Variants in SIL1 observed in about 807,000 individuals in gnomAD.
The protein encoded by SIL1 is SIL1 nucleotide exchange factor.
A neutral mutation model predicts 49.1 loss-of-function variants in SIL1; 40 were observed. The observed-to-expected ratio is 0.81, with a 90% CI of 0.63 to 1.06. The LOEUF is 1.06. SIL1 is among the 50% of genes least tolerant of loss of function. The pLI, the probability that SIL1 is intolerant of heterozygous loss-of-function variation, is 0.00. For missense variants in SIL1, 500 were observed against 572.6 expected, an observed-to-expected ratio of 0.87 and a Z score of 1.29; for synonymous variants, 253 against 250.8, an observed-to-expected ratio of 1.01 and a Z score of -0.08.
intron 2 of SIL1, 132 bp from the exon 3 acceptor site, chr5:139,121,305 G>T: frequency 8.1e-7 from 1 of 1,238,478 alleles, no homozygotes; most frequent in Non-Finnish European, 1.2e-6. Flanking sequence ...CTGGACACTC[G>T]CAATTCCTTT....
chr5:139,118,065 A>T (rs1180096387), intron 3 of SIL1, among the ~76,000 whole-genome samples: 2 of 152,178 alleles, frequency 1.3e-5, no homozygotes, highest in Admixed American at 6.5e-5. Context: ...AACTGTCCAT[A>T]TAAACTTGCA....
intron 7 of SIL1, among the ~76,000 whole-genome samples, chr5:139,011,834 G>C (rs1430370546): frequency 6.6e-6 from 1 of 152,026 alleles, no homozygotes; most frequent in African/African-American, 2.4e-5. Context: ...CAGAAATTCT[G>C]CCAATTTCAA....
chr5:139,105,584 T>C (rs933524566), intron 3 of SIL1, among the ~76,000 whole-genome samples: 6 of 152,216 alleles, frequency 3.9e-5, no homozygotes, highest in African/African-American at 1.4e-4. Context: ...AAAGGAGTTA[T>C]ATACCCTTAG....
At chr5:139,133,014 C>T (rs1191292058) in intron 1 of SIL1, among the ~76,000 whole-genome samples, 1 of 152,006 alleles carries the variant, frequency 6.6e-6, no homozygotes, top group Non-Finnish European at 1.5e-5. Flanking sequence ...AAACCACTTG[C>T]CACCCATAAA....
At chr5:139,049,703 A>G (rs1489764947) in intron 4 of SIL1, among the ~76,000 whole-genome samples, 1 of 151,828 alleles carries the variant, frequency 6.6e-6, no homozygotes. Flanking sequence ...TGAGACAATG[A>G]GATTGCTTGA....
At chr5:139,026,714 T>C in intron 6 of SIL1, 87 bp downstream of exon 6, 3 of 1,164,160 alleles carry the variant, frequency 2.6e-6, no homozygotes, top group Non-Finnish European at 3.9e-6. Context: ...AGTAAAGATG[T>C]TGATGCTATT....
Position 139,022,691 on chromosome 5 carries a change from G to A in SIL1, c.646-1399C>T, listed in dbSNP as rs531548413. 4.6e-5 allele frequency: 7 copies of A among 152,336 alleles called. No homozygotes were observed. In the South Asian group the frequency reaches 1.0e-3, roughly 23 times the overall value. 9.4% of individuals were successfully genotyped at this position (152,336 alleles called of 1,614,324 possible). The stretch of plus-strand genomic sequence containing the variant: ...TGAAGTAATGGCTAAACCAGGTTGT[G>A]AAGTAAGCATGAAGTCTGCTCTGCC... On this transcript the variant is annotated intron_variant, in intron 6 of 9. Coordinates refer to ENST00000394817, the MANE Select transcript of SIL1 (RefSeq NM_022464.5).
At chr5:138,972,802 T>G (rs2060995426) in intron 7 of SIL1, among the ~76,000 whole-genome samples, 1 of 152,214 alleles carries the variant, frequency 6.6e-6, no homozygotes. Context: ...ACCAAGAGTT[T>G]AATCCTTCTC....
At chr5:139,132,023 C>A (rs1672238030) in intron 1 of SIL1, among the ~76,000 whole-genome samples, 1 of 152,174 alleles carries the variant, frequency 6.6e-6, no homozygotes, top group South Asian at 2.1e-4. Flanking sequence ...TATCCCTCCC[C>A]TTCCATGAGA....
intron 3 of SIL1, among the ~76,000 whole-genome samples, chr5:139,053,089 T>TA (rs1769329492): frequency 1.3e-5 from 2 of 152,154 alleles, no homozygotes. Flanking sequence ...TTAGTACTAA[T>TA]CTAATCTCTG....
At chr5:139,140,138 T>C (rs1751052646) in intron 1 of SIL1, among the ~76,000 whole-genome samples, 1 of 151,988 alleles carries the variant, frequency 6.6e-6, no homozygotes, top group Non-Finnish European at 1.5e-5. Flanking sequence ...GGTGTGGTGA[T>C]GGGTGCCTGT....
At chr5:139,134,942 T>C (rs528507891) in intron 1 of SIL1, among the ~76,000 whole-genome samples, 2 of 152,018 alleles carry the variant, frequency 1.3e-5, no homozygotes, top group Admixed American at 6.6e-5. Flanking sequence ...AGCAGACAAA[T>C]ATGAAGCTGG....
intron 3 of SIL1, among the ~76,000 whole-genome samples, chr5:139,056,584 C>A (rs1367748661): frequency 1.4e-4 from 21 of 149,190 alleles, no homozygotes; most frequent in Admixed American, 1.3e-3. Context: ...CCGCCCCGTC[C>A]GGGAGGGAGG....
At chr5:139,143,647 C>T (rs944731201) in intron 1 of SIL1, among the ~76,000 whole-genome samples, 9 of 152,084 alleles carry the variant, frequency 5.9e-5, no homozygotes, top group African/African-American at 1.7e-4. Context: ...TCTGGGATTA[C>T]GGGCATAAGC....
At chr5:139,065,524 G>T (rs1769685804) in intron 3 of SIL1, among the ~76,000 whole-genome samples, 1 of 152,214 alleles carries the variant, frequency 6.6e-6, no homozygotes, top group Non-Finnish European at 1.5e-5. Context: ...CCTGCTCTGG[G>T]TTTCTGCTCC....
At chr5:139,012,075 A>G (rs899281345) in intron 7 of SIL1, among the ~76,000 whole-genome samples, 1 of 151,980 alleles carries the variant, frequency 6.6e-6, no homozygotes, top group Non-Finnish European at 1.5e-5. Flanking sequence ...GTTTTCTGAG[A>G]TGGAGTCTCG....
At chr5:139,144,284 A>G (rs957611810) in intron 1 of SIL1, among the ~76,000 whole-genome samples, 1 of 152,142 alleles carries the variant, frequency 6.6e-6, no homozygotes, top group Admixed American at 6.5e-5. Context: ...TGACAGTGCC[A>G]TTGCACTTTA....
chr5:139,049,167 C>T (rs973231383), intron 4 of SIL1, among the ~76,000 whole-genome samples: 3 of 152,074 alleles, frequency 2.0e-5, no homozygotes, highest in African/African-American at 7.2e-5. Context: ...CTGCAAAATA[C>T]TGGGTTTTTG....
At position 139,140,269 on chromosome 5, in the gene SIL1, C is replaced by CA. The variant is rs77102723; in HGVS notation, c.-10-12417dup. Among the ~76,000 whole-genome samples, 900 of 103,938 alleles carry CA rather than the reference C, an allele frequency of 8.7e-3. 2 individuals carry two copies. Among genetic ancestry groups the CA allele is most frequent in the South Asian group, 0.025 (79 of 3,138 alleles). 68.2% of individuals were successfully genotyped at this position (103,938 alleles called of 152,430 possible). A position where few individuals can be genotyped will look rare whatever the true frequency, so the allele number is the denominator to read the frequency against. ...TGGGCGACAGAGCAAGACTCTGTCT[C>CA]AAAAAAAAAAAAAAGACACTAATTA... On this transcript the variant is annotated intron_variant, in intron 1 of 9. Coordinates refer to ENST00000394817, the MANE Select transcript of SIL1 (RefSeq NM_022464.5).
Sources: allele counts gnomAD v4.1 joint callset (sites outside exome capture counted in the v4.1 genomes callset), GRCh38; gene constraint gnomAD v4.1.1; transcripts MANE v1.5; gene names NCBI Gene and HGNC (gene_info 2026-07-23, HGNC 2026-07-21).